Variants in SLC38A11 observed in about 807,000 individuals in gnomAD.
SLC38A11 encodes solute carrier family 38 member 11.
In SLC38A11, 51 loss-of-function variants were observed where a neutral mutation model predicts 49.4. The observed-to-expected ratio is 1.03, with a 90% CI of 0.83 to 1.30. SLC38A11 has a LOEUF of 1.30. Among genes scored for constraint, SLC38A11 ranks in the 50% most tolerant of loss-of-function variants. The pLI is 0.00. For synonymous variants in SLC38A11, 203 were observed against 192.9 expected (o/e 1.05, Z -0.43); for missense variants, 574 against 556.2 (o/e 1.03, Z -0.32).
At chr2:164,943,307 C>T (rs1460498165) in intron 5 of SLC38A11, among the ~76,000 whole-genome samples, 1 of 152,130 alleles carries the variant, frequency 6.6e-6, no homozygotes, top group African/African-American at 2.4e-5. Context: ...TTCACACTGG[C>T]TTTTTGTAAT....
chr2:164,924,914 G>A (rs1052551349), intron 7 of SLC38A11, among the ~76,000 whole-genome samples: 2 of 151,666 alleles, frequency 1.3e-5, no homozygotes, highest in Admixed American at 6.6e-5. Flanking sequence ...TTTTGTATCC[G>A]CGCCCAGCTA....
Position 164,896,880 on chromosome 2 carries a change from C to G in SLC38A11, c.*1557G>C, listed in dbSNP as rs1019943219. ...TTATTCAAACTACTGTGAACCTACC[C>G]TTTATACACTTCCTGTAGGATTTCT... On this transcript the variant is annotated 3_prime_UTR_variant, in exon 12 of 12. Transcript: ENST00000685975. The G allele has an allele frequency of 6.6e-6, 1 of 152,030 alleles. No individual in the cohort carries two copies. The highest frequency in any genetic ancestry group is 1.5e-5 in the Non-Finnish European group (1 of 68,024). The allele number at this position is 152,030 out of a possible 1,614,324, so 9.4% of individuals were successfully genotyped here. A position where few individuals can be genotyped will look rare whatever the true frequency, so the allele number is the denominator to read the frequency against.
intron 7 of SLC38A11, among the ~76,000 whole-genome samples, chr2:164,930,570 C>G (rs1686928975): frequency 1.3e-5 from 2 of 152,244 alleles, no homozygotes; most frequent in Middle Eastern, 3.4e-3. Flanking sequence ...ATCAAGTAGG[C>G]TTTATCCCTG....
At chr2:164,899,642 C>T (rs1684530713) in intron 11 of SLC38A11, among the ~76,000 whole-genome samples, 1 of 151,992 alleles carries the variant, frequency 6.6e-6, no homozygotes, top group Non-Finnish European at 1.5e-5. Flanking sequence ...CAAATATTCT[C>T]TTAAACCATA....
chr2:164,945,738 A>G lies in SLC38A11; in HGVS notation c.230-11T>C, dbSNP rs767448618. On this transcript the variant is annotated splice_polypyrimidine_tract_variant and intron_variant, in intron 3 of 11. Transcript: ENST00000685975. ...AAACAAGGGAAAAGTCTGTGGCAAG[A>G]ACATCAATTAAATGTCAGATTACAT... The G allele has an allele frequency of 6.3e-7, 1 of 1,599,818 alleles. No individual in the cohort carries two copies. Among genetic ancestry groups the G allele is most frequent in the South Asian group, 1.1e-5 (1 of 87,044 alleles).
At chr2:164,911,891 AT>A in intron 9 of SLC38A11, 143 bp from the exon 10 acceptor site, 1 of 500,616 alleles carries the variant, frequency 2.0e-6, no homozygotes, top group Non-Finnish European at 3.5e-6. Flanking sequence ...TTTACTATAT[AT>A]TTTTCTATGT....
At chr2:164,951,855 G>C (rs1234893927) in intron 3 of SLC38A11, among the ~76,000 whole-genome samples, 1 of 152,164 alleles carries the variant, frequency 6.6e-6, no homozygotes, top group Non-Finnish European at 1.5e-5. Flanking sequence ...GAGGCAAGGA[G>C]ACCCCCTGGA....
At chr2:164,922,426 A>C (rs530860247) in intron 7 of SLC38A11, 1 of 152,330 alleles carries the variant, frequency 6.6e-6, no homozygotes, top group Non-Finnish European at 1.5e-5. Flanking sequence ...CAGCTCCTGC[A>C]TCCACTGAAG....
At chr2:164,915,873 G>A in intron 8 of SLC38A11, 30 bp downstream of exon 8, 20 of 1,550,466 alleles carry the variant, frequency 1.3e-5, no homozygotes, top group Non-Finnish European at 1.8e-5. Context: ...ACTCCACATT[G>A]AGAAAGGGCC....
At chr2:164,930,753 C>G (rs1475087306) in intron 7 of SLC38A11, among the ~76,000 whole-genome samples, 1 of 151,972 alleles carries the variant, frequency 6.6e-6, no homozygotes, top group East Asian at 1.9e-4. Flanking sequence ...AAGGCACATA[C>G]CTCAAAATAA....
rs954639099 is a variant in SLC38A11 at position 164,952,841 on chromosome 2, T to C, written c.155-60A>G. 72 of 1,263,236 alleles carry C rather than the reference T, an allele frequency of 5.7e-5. No individual in the cohort carries two copies. The African/African-American group carries it at 1.0e-3, about 18-fold the overall frequency. The allele number at this position is 1,263,236 out of a possible 1,614,324, so 78.3% of individuals were successfully genotyped here. Reference sequence around the variant, plus strand: ...AACAAGAAAGCTAGAAACACAGAAATTCCCCCCTTCAATTTCTGCATATAA... The same window carrying C: ...AACAAGAAAGCTAGAAACACAGAAACTCCCCCCTTCAATTTCTGCATATAA... On this transcript the variant is annotated intron_variant, in intron 2 of 11. Coordinates refer to ENST00000685975, the MANE Select transcript of SLC38A11 (RefSeq NM_001351537.2).
chr2:164,919,910 G>A (rs1229695111), intron 7 of SLC38A11, among the ~76,000 whole-genome samples: 4 of 152,010 alleles, frequency 2.6e-5, no homozygotes, highest in Non-Finnish European at 4.4e-5. Flanking sequence ...TTATCTATAG[G>A]GTGTATGTTC....
intron 7 of SLC38A11, among the ~76,000 whole-genome samples, chr2:164,926,650 A>C (rs957937554): frequency 9.9e-5 from 15 of 152,110 alleles, no homozygotes; most frequent in African/African-American, 3.4e-4. Flanking sequence ...TAAGAAAATG[A>C]GGCACATATA....
intron 3 of SLC38A11, among the ~76,000 whole-genome samples, chr2:164,947,370 GA>G (rs1688206780): frequency 6.6e-6 from 1 of 151,938 alleles, no homozygotes; most frequent in Non-Finnish European, 1.5e-5. Flanking sequence ...GACCTCAAGT[GA>G]TCCACCCGCC....
At chr2:164,942,555 A>G (rs1282808797) in intron 5 of SLC38A11, among the ~76,000 whole-genome samples, 2 of 152,186 alleles carry the variant, frequency 1.3e-5, no homozygotes, top group African/African-American at 4.8e-5. Flanking sequence ...TGATTAAAAG[A>G]TAACCGCAGT....
In SLC38A11 at chr2:164,897,137, A is replaced by T. The variant is rs1039889362; in HGVS notation, c.*1300T>A. Reference sequence around the variant, plus strand: ...CATACAAAGACACAAAGTCCTCATTAAAAAATCATTTAAAAATCCTCAGTA... The same window carrying T: ...CATACAAAGACACAAAGTCCTCATTTAAAAATCATTTAAAAATCCTCAGTA... On this transcript the variant is annotated 3_prime_UTR_variant, in exon 12 of 12. Transcript: ENST00000685975. 3 of 152,166 alleles carry T rather than the reference A, an allele frequency of 2.0e-5. No homozygotes were observed. The highest frequency in any genetic ancestry group is 4.4e-5 in the Non-Finnish European group (3 of 68,044). 9.4% of individuals were successfully genotyped at this position (152,166 alleles called of 1,614,324 possible).
intron 7 of SLC38A11, chr2:164,922,181 CA>C (rs553281604): frequency 6.6e-6 from 1 of 152,320 alleles, no homozygotes; most frequent in East Asian, 1.9e-4. Flanking sequence ...ACCTCTGGAT[CA>C]GGAGAATCAA....
chr2:164,941,996 G>C (rs1176582802), intron 5 of SLC38A11, among the ~76,000 whole-genome samples: 2 of 152,006 alleles, frequency 1.3e-5, no homozygotes, highest in Non-Finnish European at 2.9e-5. Flanking sequence ...TGAAAGGATG[G>C]TTTCCACCCG....
intron 11 of SLC38A11, among the ~76,000 whole-genome samples, chr2:164,907,550 C>A (rs550112587): frequency 1.1e-4 from 16 of 152,226 alleles, no homozygotes; most frequent in African/African-American, 2.9e-4. Context: ...ACAGTGTGAG[C>A]CACCGTTCCT....
Sources: allele counts gnomAD v4.1 joint callset (sites outside exome capture counted in the v4.1 genomes callset), GRCh38; gene constraint gnomAD v4.1.1; transcripts MANE v1.5; gene names NCBI Gene and HGNC (gene_info 2026-07-23, HGNC 2026-07-21).